The following TDRD1 variants were observed in gnomAD, a reference collection of about 807,000 sequenced individuals.
TDRD1 encodes the protein tudor domain containing 1.
TDRD1 carries 37 observed loss-of-function variants against 140.6 expected under a neutral mutation model. That is an observed-to-expected ratio of 0.26 (90% CI 0.20 to 0.35). The LOEUF (loss-of-function observed/expected upper bound fraction) is 0.35. TDRD1 is among the 10% of genes least tolerant of loss of function. The pLI, the probability that TDRD1 is intolerant of heterozygous loss-of-function variation, is 1.00. For synonymous variants in TDRD1, 506 were observed against 475.7 expected (o/e 1.06, Z -0.83); for missense variants, 1,243 against 1,393.0 (o/e 0.89, Z 1.71).
intron 21 of TDRD1, 69 bp from the exon 22 acceptor site, chr10:114,225,980 A>G: frequency 7.6e-7 from 1 of 1,314,558 alleles, no homozygotes; most frequent in East Asian, 2.3e-5. Context: ...TATAACTATG[A>G]ATAGCCATCT....
In TDRD1 at chr10:114,189,915, C is replaced by T. The variant is rs146484180; in HGVS notation, c.326-1046C>T. Among the ~76,000 whole-genome samples, 9 of 152,360 alleles carry T rather than the reference C, an allele frequency of 5.9e-5. No homozygotes were observed. The East Asian group carries it at 1.2e-3, about 20-fold the overall frequency. ...GTGCGGGATAATCAGTGAATTCTAA[C>T]GTAACAATATGAAAAGTTCCTTGAT... is the stretch of plus-strand genomic sequence containing the variant. On this transcript the variant is annotated intron_variant, in intron 2 of 25. Coordinates refer to ENST00000251864, the Ensembl canonical transcript of TDRD1.
chr10:114,198,479 T>G (rs2034517222), intron 3 of TDRD1, among the ~76,000 whole-genome samples: 1 of 152,080 alleles, frequency 6.6e-6, no homozygotes, highest in East Asian at 1.9e-4. Flanking sequence ...GGCACCTCAT[T>G]TGTAGCCTTG....
At chr10:114,179,119 G>C (rs2032807224), upstream of TDRD1, among the ~76,000 whole-genome samples, 1 of 152,248 alleles carries the variant, frequency 6.6e-6, no homozygotes, top group Admixed American at 6.5e-5. Context: ...CGTTGCCAGA[G>C]ACATCTTTCT....
At chr10:114,207,802 AG>A (rs2133033824) in intron 11 of TDRD1, among the ~76,000 whole-genome samples, 1 of 152,220 alleles carries the variant, frequency 6.6e-6, no homozygotes, top group African/African-American at 2.4e-5. Context: ...GATGCTATGA[AG>A]GTATCCAGTG....
rs2033929786 is a variant in TDRD1, at chr10:114,191,111, T to TTCAAA, written c.384+92_384+93insTCAAA. On this transcript the variant is annotated intron_variant, in intron 3 of 25. Transcript: ENST00000251864. The stretch of plus-strand genomic sequence containing the variant: ...TAAAGAAGTGTTCAATTTGTAGGTA[T>TTCAAA]CATTCAAGATCAAATGTTTTTTCTT... 4 of 1,308,604 alleles carry TTCAAA rather than the reference T, an allele frequency of 3.1e-6. No individual in the cohort carries two copies. In the South Asian group the frequency reaches 5.7e-5, roughly 18 times the overall value. The allele number at this position is 1,308,604 out of a possible 1,614,324, so 81.1% of individuals were successfully genotyped here.
intron 21 of TDRD1, among the ~76,000 whole-genome samples, chr10:114,223,686 A>G (rs565998616): frequency 8.5e-5 from 13 of 152,338 alleles, no homozygotes; most frequent in Non-Finnish European, 1.9e-4. Context: ...TTAGGACTGC[A>G]TAAGCACTGT....
chr10:114,195,530 G>A (rs571358137), intron 3 of TDRD1, among the ~76,000 whole-genome samples: 1 of 152,174 alleles, frequency 6.6e-6, no homozygotes, highest in African/African-American at 2.4e-5. Context: ...GTCTTGTTGG[G>A]TTGACTCTTT....
chr10:114,218,361 A>C, intron 17 of TDRD1, 53 bp from the exon 18 acceptor site: 1 of 1,267,240 alleles, frequency 7.9e-7, no homozygotes, highest in Non-Finnish European at 1.0e-6. Context: ...TAAGTATTTC[A>C]AGTGTCGATA....
At chr10:114,190,885 A>G (rs2033912857) in intron 2 of TDRD1, 76 bp from the exon 3 acceptor site, 1 of 1,415,758 alleles carries the variant, frequency 7.1e-7, no homozygotes, top group Non-Finnish European at 1.0e-6. Context: ...AATATCACCT[A>G]ATTACACTAT....
intron 10 of TDRD1, among the ~76,000 whole-genome samples, chr10:114,205,257 A>G (rs1392856908): frequency 6.6e-6 from 1 of 152,234 alleles, no homozygotes. Flanking sequence ...GCATTTGGCT[A>G]GTACATAGTA....
chr10:114,200,165 C>T (rs1188569546), intron 4 of TDRD1, among the ~76,000 whole-genome samples: 1 of 152,140 alleles, frequency 6.6e-6, no homozygotes, highest in Admixed American at 6.6e-5. Context: ...TTGTCATATG[C>T]CTCTTGAGTT....
chr10:114,231,024 A>G (rs666429), intron 25 of TDRD1, among the ~76,000 whole-genome samples: 71,156 of 152,088 alleles, frequency 0.47, 17,608 homozygotes, highest in African/African-American at 0.63. Context: ...CCGAGATGGC[A>G]CCACTGCACT....
In TDRD1 at chr10:114,203,069, C is replaced by T. The variant is rs781274162; in HGVS notation, c.697-3C>T. 1 of 1,606,994 alleles carries T rather than the reference C, an allele frequency of 6.2e-7. No homozygotes were observed. Among genetic ancestry groups the T allele is most frequent in the East Asian group, 2.2e-5 (1 of 44,834 alleles). ...CTCACTTCTGTGGTATTTTTCAAACCAGAGTGACTGTCCACTTGGAGTTAC... is the reference window on the plus strand; with the variant it reads ...CTCACTTCTGTGGTATTTTTCAAACTAGAGTGACTGTCCACTTGGAGTTAC... On this transcript the variant is annotated splice_polypyrimidine_tract_variant and splice_region_variant and intron_variant, in intron 6 of 25. Transcript: ENST00000251864.
In TDRD1 at chr10:114,214,080, T is replaced by C; in HGVS notation, c.2178T>C (p.Pro726=). 2.5e-6 allele frequency: 4 copies of C among 1,613,842 alleles called. No individual in the cohort carries two copies. The South Asian group carries it at 4.4e-5, about 18-fold the overall frequency. ...TTGTGGTCTGTGTGATATATAGTCC[T>C]GGAGAATTTTATTGCCATGTGCTTA... The change falls in exon 16 of 26, where the codon CCT becomes CCC. Residue 726 remains proline, a synonymous_variant. Coordinates refer to ENST00000251864, the Ensembl canonical transcript of TDRD1.
chr10:114,196,833 C>CT (rs36124319), intron 3 of TDRD1, among the ~76,000 whole-genome samples: 1,373 of 48,318 alleles, frequency 0.028, 432 homozygotes, highest in African/African-American at 0.066. Flanking sequence ...TTCTAGCAGT[C>CT]TTTTTTTTTT....
In TDRD1 at chr10:114,183,847, G is replaced by A. The variant is rs189465975; in HGVS notation, c.-6-3979G>A. On this transcript the variant is annotated intron_variant, in intron 1 of 25. Transcript: ENST00000251864. The stretch of plus-strand genomic sequence containing the variant: ...CTCCTGAGTAGCTGGGATTACAGGA[G>A]CCCACCACTCCTTGGCCTCCCAAAG... Among the ~76,000 whole-genome samples the A allele has an allele frequency of 5.9e-5, 9 of 151,972 alleles. No individual in the cohort carries two copies. In the East Asian group the frequency reaches 1.6e-3, roughly 26 times the overall value.
At chr10:114,182,181 A>G (rs1431679908) in intron 1 of TDRD1, among the ~76,000 whole-genome samples, 1 of 152,188 alleles carries the variant, frequency 6.6e-6, no homozygotes, top group East Asian at 1.9e-4. Context: ...TGTCAGTATA[A>G]GAGTCTCAGA....
intron 3 of TDRD1, among the ~76,000 whole-genome samples, chr10:114,193,508 G>A (rs1198862747): frequency 2.0e-5 from 3 of 151,896 alleles, no homozygotes; most frequent in East Asian, 1.9e-4. Context: ...TGATCAGGCC[G>A]GTCCCGAACT....
exon 14 of TDRD1, chr10:114,211,888 C>G (rs776085635): frequency 1.5e-5 from 24 of 1,579,338 alleles, no homozygotes; most frequent in Non-Finnish European, 2.0e-5. Flanking sequence ...GGTACCGTGC[C>G]TCTGTTTTGG....
Sources: allele counts gnomAD v4.1 joint callset (sites outside exome capture counted in the v4.1 genomes callset), GRCh38; gene constraint gnomAD v4.1.1; transcripts MANE v1.5; gene names NCBI Gene and HGNC (gene_info 2026-07-23, HGNC 2026-07-21).